Variants in ZNF385D observed in about 807,000 individuals in gnomAD.
The protein encoded by ZNF385D is zinc finger protein 659.
A neutral mutation model predicts 35.8 loss-of-function variants in ZNF385D; 15 were observed. The observed-to-expected ratio is 0.42, with a 90% CI of 0.28 to 0.64. ZNF385D has a LOEUF of 0.64. ZNF385D is among the 30% of genes least tolerant of loss of function. ZNF385D has a pLI of 0.23. For synonymous variants in ZNF385D, 212 were observed against 186.8 expected (o/e 1.13, Z -1.10); for missense variants, 474 against 494.6 (o/e 0.96, Z 0.39).
Position 22,243,207 on chromosome 3 carries a change from A to C in ZNF385D, c.107-74172T>G, listed in dbSNP as rs7621205. 3.0e-3 allele frequency among the ~76,000 whole-genome samples: 461 copies of C among 151,188 alleles called. 26 individuals carry two copies. The highest frequency in any genetic ancestry group is 0.01 in the African/African-American group (424 of 40,932). ...AAAAAACAAACAGCCCAATTTAAAA[A>C]AATGGGCAAGTGAAAGGAATACTTC... On this transcript the variant is annotated intron_variant, in intron 2 of 5. Transcript: ENST00000494108.
intron 2 of ZNF385D, among the ~76,000 whole-genome samples, chr3:21,596,454 A>G (rs1282254490): frequency 6.6e-6 from 1 of 152,068 alleles, no homozygotes; most frequent in African/African-American, 2.4e-5. Flanking sequence ...TTATCTGTCA[A>G]ATATATTCTC....
chr3:22,230,039 T>C (rs997473697), intron 2 of ZNF385D, among the ~76,000 whole-genome samples: 1 of 152,202 alleles, frequency 6.6e-6, no homozygotes, highest in Non-Finnish European at 1.5e-5. Flanking sequence ...ACTTTATATC[T>C]TGATAGACTT....
intron 2 of ZNF385D, among the ~76,000 whole-genome samples, chr3:22,353,996 T>G (rs562750729): frequency 2.6e-5 from 4 of 152,186 alleles, no homozygotes; most frequent in Non-Finnish European, 4.4e-5. Context: ...CAAACACATA[T>G]GCACCCTCCA....
At chr3:21,512,507 T>A (rs1364602858) in intron 3 of ZNF385D, among the ~76,000 whole-genome samples, 1 of 152,240 alleles carries the variant, frequency 6.6e-6, no homozygotes, top group African/African-American at 2.4e-5. Context: ...ATAGTCCACA[T>A]CTTCATTTGC....
At chr3:21,767,798 T>C (rs1007636281) in intron 3 of ZNF385D, among the ~76,000 whole-genome samples, 1 of 152,104 alleles carries the variant, frequency 6.6e-6, no homozygotes, top group Non-Finnish European at 1.5e-5. Flanking sequence ...AAGACAAATA[T>C]GACCGTTCTT....
At chr3:21,657,189 T>A (rs2066097251) in intron 2 of ZNF385D, among the ~76,000 whole-genome samples, 1 of 151,946 alleles carries the variant, frequency 6.6e-6, no homozygotes. Flanking sequence ...GCTTGCCACT[T>A]AAGAGAGAAC....
At chr3:22,334,613 A>G (rs1177078018) in intron 2 of ZNF385D, among the ~76,000 whole-genome samples, 1 of 152,166 alleles carries the variant, frequency 6.6e-6, no homozygotes, top group Non-Finnish European at 1.5e-5. Flanking sequence ...TAGTTGAATT[A>G]TATTTTCTTA....
chr3:22,042,209 G>C (rs928483876), intron 3 of ZNF385D, among the ~76,000 whole-genome samples: 4 of 152,030 alleles, frequency 2.6e-5, no homozygotes, highest in African/African-American at 9.7e-5. Flanking sequence ...ATGAAACTGG[G>C]AATCCTCTAC....
At chr3:21,896,192 G>A (rs542748008) in intron 3 of ZNF385D, among the ~76,000 whole-genome samples, 40 of 152,204 alleles carry the variant, frequency 2.6e-4, no homozygotes, top group Middle Eastern at 3.4e-3. Context: ...CAGAAAAAAA[G>A]AAGCTTGGGA....
In ZNF385D at chr3:21,466,766, C is replaced by T. The variant is rs139122961; in HGVS notation, c.440-29563G>A. Among the ~76,000 whole-genome samples the T allele has an allele frequency of 3.6e-3, 551 of 152,328 alleles. 3 individuals carry two copies. Among genetic ancestry groups the T allele is most frequent in the African/African-American group, 0.013 (528 of 41,578 alleles). On this transcript the variant is annotated intron_variant, in intron 4 of 7. Transcript: ENST00000281523. ...CCATGATCTCACCCCACTACACGCT[C>T]TTCTCCTCCCTGCCTGAGGTATCCA...
At chr3:22,031,531 T>G (rs1443583609) in intron 3 of ZNF385D, among the ~76,000 whole-genome samples, 2 of 152,048 alleles carry the variant, frequency 1.3e-5, no homozygotes, top group Non-Finnish European at 2.9e-5. Flanking sequence ...ACGGCTGGAG[T>G]TGGAGCGGCT....
intron 3 of ZNF385D, among the ~76,000 whole-genome samples, chr3:21,820,634 A>G (rs2073357210): frequency 6.6e-6 from 1 of 151,826 alleles, no homozygotes; most frequent in Admixed American, 6.6e-5. Flanking sequence ...TACAATAGAA[A>G]ACAAAGCTTG....
intron 2 of ZNF385D, among the ~76,000 whole-genome samples, chr3:22,325,384 C>T (rs973647099): frequency 6.6e-6 from 1 of 152,118 alleles, no homozygotes. Context: ...AGTTGTACAG[C>T]AATACAGTAA....
chr3:21,909,871 T>G (rs1699877492), intron 3 of ZNF385D, among the ~76,000 whole-genome samples: 1 of 152,048 alleles, frequency 6.6e-6, no homozygotes, highest in Non-Finnish European at 1.5e-5. Context: ...ATCAGAAAGT[T>G]TATAAGCCTA....
At chr3:21,484,586 A>C (rs1704887078) in intron 4 of ZNF385D, among the ~76,000 whole-genome samples, 1 of 152,162 alleles carries the variant, frequency 6.6e-6, no homozygotes, top group Non-Finnish European at 1.5e-5. Context: ...ACAAGATGGG[A>C]ATGGTCAAGA....
chr3:21,621,742 A>G (rs2065012437), intron 2 of ZNF385D, among the ~76,000 whole-genome samples: 1 of 152,022 alleles, frequency 6.6e-6, no homozygotes, highest in East Asian at 1.9e-4. Context: ...AATGTAACCT[A>G]TTATCTTCTG....
chr3:21,463,381 T>C (rs1217958645), intron 4 of ZNF385D, among the ~76,000 whole-genome samples: 1 of 152,204 alleles, frequency 6.6e-6, no homozygotes, highest in East Asian at 1.9e-4. Context: ...TATATTGCTT[T>C]CACAATTAGA....
At chr3:22,190,589 C>T (rs1268924644) in intron 2 of ZNF385D, among the ~76,000 whole-genome samples, 1 of 152,140 alleles carries the variant, frequency 6.6e-6, no homozygotes, top group Non-Finnish European at 1.5e-5. Context: ...TATATAAATA[C>T]TAACCTAGTG....
At chr3:21,436,196 T>C (rs955526480) in intron 5 of ZNF385D, among the ~76,000 whole-genome samples, 1 of 151,956 alleles carries the variant, frequency 6.6e-6, no homozygotes, top group African/African-American at 2.4e-5. Flanking sequence ...TATATATATA[T>C]ACACATACAG....
Sources: allele counts gnomAD v4.1 joint callset (sites outside exome capture counted in the v4.1 genomes callset), GRCh38; gene constraint gnomAD v4.1.1; transcripts MANE v1.5; gene names NCBI Gene and HGNC (gene_info 2026-07-23, HGNC 2026-07-21).